Variants in UPP2 observed in about 807,000 individuals in gnomAD.
UPP2 encodes UPase 2.
UPP2 carries 23 observed loss-of-function variants against 26.7 expected under a neutral mutation model. The ratio of observed to expected loss-of-function variants is 0.86; its 90% CI spans 0.62 to 1.22. The LOEUF (loss-of-function observed/expected upper bound fraction) is 1.22. UPP2 is among the 50% of genes most tolerant of loss of function. The pLI, the probability that UPP2 is intolerant of heterozygous loss-of-function variation, is 0.00. For missense variants in UPP2, 387 were observed against 396.7 expected (o/e 0.98, Z 0.21); for synonymous variants, 127 against 141.3 (o/e 0.90, Z 0.72).
At chr2:158,097,508 G>GT (rs1414098267), upstream of UPP2, among the ~76,000 whole-genome samples, 8 of 152,108 alleles carry the variant, frequency 5.3e-5, no homozygotes, top group African/African-American at 1.9e-4. Flanking sequence ...TGTGGGTCCT[G>GT]GAAAATATGT....
chr2:158,106,025 T>C, intron 1 of UPP2, 74 bp from the exon 2 acceptor site: 2 of 1,125,322 alleles, frequency 1.8e-6, no homozygotes, highest in Non-Finnish European at 2.5e-6. Context: ...GGAAGGTTTA[T>C]GTTCAGACTT....
intron 3 of UPP2, among the ~76,000 whole-genome samples, chr2:158,074,086 G>A (rs1682587531): frequency 2.0e-5 from 3 of 152,136 alleles, no homozygotes; most frequent in South Asian, 4.1e-4. Context: ...GCTGAGGAGG[G>A]AAAATCACTT....
At chr2:158,127,427 T>G (rs1030115181) in intron 6 of UPP2, among the ~76,000 whole-genome samples, 1 of 152,098 alleles carries the variant, frequency 6.6e-6, no homozygotes, top group African/African-American at 2.4e-5. Flanking sequence ...GCCTGCCATA[T>G]GGGCTTTCAA....
At chr2:158,045,229 T>C (rs537882379) in intron 3 of UPP2, among the ~76,000 whole-genome samples, 3 of 152,300 alleles carry the variant, frequency 2.0e-5, no homozygotes, top group African/African-American at 7.2e-5. Flanking sequence ...ATAGAATTCC[T>C]CCTGAGGTAT....
chr2:158,069,631 T>C (rs1337664927), intron 3 of UPP2, among the ~76,000 whole-genome samples: 1 of 152,210 alleles, frequency 6.6e-6, no homozygotes, highest in Non-Finnish European at 1.5e-5. Context: ...TGGTGAGGCA[T>C]GTCCCTATGA....
intron 4 of UPP2, among the ~76,000 whole-genome samples, chr2:158,118,725 A>T (rs1234247465): frequency 6.6e-6 from 1 of 152,024 alleles, no homozygotes. Context: ...TGGGCATTAT[A>T]AAAAGGGCTG....
intron 3 of UPP2, among the ~76,000 whole-genome samples, chr2:158,031,130 T>C (rs1683914362): frequency 6.6e-6 from 1 of 152,204 alleles, no homozygotes; most frequent in South Asian, 2.1e-4. Flanking sequence ...TGCCTCAGAA[T>C]TAAAAGAAAA....
intron 3 of UPP2, among the ~76,000 whole-genome samples, chr2:158,077,888 A>T (rs987025054): frequency 6.6e-6 from 1 of 152,152 alleles, no homozygotes; most frequent in Non-Finnish European, 1.5e-5. Context: ...CTATCTGACA[A>T]GGGATTAATA....
At chr2:158,109,401 C>G (rs1683264617) in intron 2 of UPP2, among the ~76,000 whole-genome samples, 1 of 152,144 alleles carries the variant, frequency 6.6e-6, no homozygotes, top group Non-Finnish European at 1.5e-5. Context: ...ACATTAGGTA[C>G]AAGGTGGGAG....
intron 6 of UPP2, among the ~76,000 whole-genome samples, chr2:158,133,475 A>G (rs1683866628): frequency 6.6e-6 from 1 of 152,160 alleles, no homozygotes; most frequent in Non-Finnish European, 1.5e-5. Context: ...AGAGTTTGTA[A>G]TAACGTATAG....
At chr2:158,019,920 G>T (rs76561174) in intron 3 of UPP2, among the ~76,000 whole-genome samples, 2 of 151,846 alleles carry the variant, frequency 1.3e-5, no homozygotes, top group Admixed American at 6.6e-5. Context: ...AGAAAAAGTC[G>T]ATTTTATTGT....
chr2:158,105,093 CAG>C (rs1377011437), intron 1 of UPP2, among the ~76,000 whole-genome samples: 1 of 147,510 alleles, frequency 6.8e-6, no homozygotes, highest in Non-Finnish European at 1.5e-5. Context: ...AAAGAAGTCT[CAG>C]ACAGTTCTTG....
rs368695152 is a variant in UPP2, at chr2:158,009,339, T to C, written c.62-6462T>C. On this transcript the variant is annotated intron_variant, in intron 2 of 9. Transcript: ENST00000605860. ...ATACACACAGTAATAGCAGATTTGC[T>C]TAAATGTCGCTATTAATCCAGTTTA... Among the ~76,000 whole-genome samples, 92 of 152,360 alleles carry C rather than the reference T, an allele frequency of 6.0e-4. 4 individuals carry two copies. The South Asian group carries it at 0.019, about 31-fold the overall frequency.
At chr2:158,131,061 T>C (rs1306713593) in intron 6 of UPP2, among the ~76,000 whole-genome samples, 2 of 152,208 alleles carry the variant, frequency 1.3e-5, no homozygotes, top group Admixed American at 1.3e-4. Flanking sequence ...GTGCAAAGAC[T>C]CTGGGTTGTT....
intron 3 of UPP2, chr2:158,065,646 T>C (rs1478547305): frequency 1.7e-6 from 1 of 575,302 alleles, no homozygotes; most frequent in Non-Finnish European, 3.3e-6. Flanking sequence ...AACAAATTCG[T>C]AGAGGAACTT....
At chr2:158,080,764 A>G (rs1157712564) in intron 3 of UPP2, among the ~76,000 whole-genome samples, 1 of 152,136 alleles carries the variant, frequency 6.6e-6, no homozygotes, top group Non-Finnish European at 1.5e-5. Flanking sequence ...CTGTGCCCTC[A>G]TTAGTGTGGG....
At chr2:157,998,541 C>T (rs1683358293) in intron 2 of UPP2, among the ~76,000 whole-genome samples, 2 of 152,176 alleles carry the variant, frequency 1.3e-5, no homozygotes, top group Non-Finnish European at 2.9e-5. Context: ...GCGGCTCATG[C>T]CTGTAATCCC....
At chr2:158,046,606 A>G (rs1684160204) in intron 3 of UPP2, among the ~76,000 whole-genome samples, 1 of 152,252 alleles carries the variant, frequency 6.6e-6, no homozygotes, top group African/African-American at 2.4e-5. Flanking sequence ...GCCTATGGTT[A>G]ACGTTATGAC....
Position 158,115,189 on chromosome 2 carries a change from A to G in UPP2, c.269A>G (p.Asp90Gly), listed in dbSNP as rs750938118. The G allele has an allele frequency of 3.1e-6, 5 of 1,613,914 alleles. No individual in the cohort carries two copies. Among genetic ancestry groups the G allele is most frequent in the Non-Finnish European group, 4.2e-6 (5 of 1,179,898 alleles). Residue 90 changes from aspartate to glycine, a missense_variant, in exon 3 of 7, where the codon GAC (aspartate) becomes GGC (glycine). Physicochemically the swap from Asp to Gly is moderately conservative, Grantham distance 94. Transcript: ENST00000005756. ...KELGFEEAEE[D>G]IKDICAGTDR... ...CTCGGGTTTGAGGAAGCTGAAGAAG[A>G]CATAAAAGACATCTGTGCTGGGACA...
Sources: gnomAD v4.1 joint callset for allele counts (sites outside exome capture counted in the v4.1 genomes callset) on GRCh38, gnomAD v4.1.1 for gene constraint, MANE v1.5 for transcripts, NCBI Gene and HGNC (gene_info 2026-07-23, HGNC 2026-07-21) for gene names.